The following LRRC4C variants were observed in gnomAD, a reference collection of about 807,000 sequenced individuals.
LRRC4C encodes the protein leucine rich repeat containing 4C, also known as leucine-rich repeat-containing protein 4C.
In LRRC4C, 5 loss-of-function variants were observed where a neutral mutation model predicts 33.6. That is an observed-to-expected ratio of 0.15 (90% CI 0.08 to 0.31). The LOEUF (loss-of-function observed/expected upper bound fraction) is 0.31, where lower values mean the gene tolerates loss of function less well. LRRC4C is among the 10% of genes least tolerant of loss of function. LRRC4C has a pLI of 1.00. For synonymous variants in LRRC4C, 329 were observed against 302.0 expected, an observed-to-expected ratio of 1.09 and a Z score of -0.93; for missense variants, 560 against 796.7, an observed-to-expected ratio of 0.70 and a Z score of 3.58.
At chr11:40,815,469 A>C (rs1177671042) in intron 2 of LRRC4C, among the ~76,000 whole-genome samples, 2 of 152,022 alleles carry the variant, frequency 1.3e-5, no homozygotes, top group African/African-American at 4.8e-5. Context: ...TTTGATAGAT[A>C]CTCCATTCCA....
chr11:40,799,153 T>TG (rs1158186670), intron 2 of LRRC4C, among the ~76,000 whole-genome samples: 14 of 152,314 alleles, frequency 9.2e-5, no homozygotes, highest in African/African-American at 3.4e-4. Flanking sequence ...ACTTCATAGA[T>TG]GACTAGTTTT....
chr11:40,389,335 T>A (rs1339999255), intron 3 of LRRC4C, among the ~76,000 whole-genome samples: 1 of 152,118 alleles, frequency 6.6e-6, no homozygotes, highest in African/African-American at 2.4e-5. Context: ...CCCAACCCCA[T>A]TCATACATCG....
chr11:40,808,348 A>G (rs1004856347), intron 2 of LRRC4C, among the ~76,000 whole-genome samples: 2 of 151,982 alleles, frequency 1.3e-5, no homozygotes, highest in African/African-American at 4.8e-5. Flanking sequence ...CTCCACCCCT[A>G]CTTATTTATT....
chr11:40,858,521 C>A (rs1953913607), intron 2 of LRRC4C, among the ~76,000 whole-genome samples: 1 of 151,668 alleles, frequency 6.6e-6, no homozygotes, highest in Admixed American at 6.6e-5. Flanking sequence ...ATGGTGAAAT[C>A]CCATCTCTAC....
At chr11:40,251,401 A>C (rs2136181568) in intron 4 of LRRC4C, among the ~76,000 whole-genome samples, 1 of 152,246 alleles carries the variant, frequency 6.6e-6, no homozygotes, top group South Asian at 2.1e-4. Flanking sequence ...AGCACCTTCG[A>C]GTACACAGAA....
chr11:40,166,500 C>T (rs974075933), intron 5 of LRRC4C, among the ~76,000 whole-genome samples: 1 of 152,132 alleles, frequency 6.6e-6, no homozygotes, highest in African/African-American at 2.4e-5. Flanking sequence ...CAGTTTCCTA[C>T]TGTGTGTGCT....
chr11:40,507,968 C>T (rs1450021330), intron 3 of LRRC4C, among the ~76,000 whole-genome samples: 1 of 151,932 alleles, frequency 6.6e-6, no homozygotes, highest in Non-Finnish European at 1.5e-5. Flanking sequence ...CAAACACCTG[C>T]CTAGTCTCGA....
intron 2 of LRRC4C, among the ~76,000 whole-genome samples, chr11:40,727,058 T>C (rs1947319780): frequency 6.6e-6 from 1 of 152,086 alleles, no homozygotes; most frequent in Non-Finnish European, 1.5e-5. Flanking sequence ...GAAAAACATC[T>C]CTACAAGGAG....
chr11:40,600,323 A>G (rs1246830219), intron 3 of LRRC4C, among the ~76,000 whole-genome samples: 2 of 152,188 alleles, frequency 1.3e-5, no homozygotes, highest in African/African-American at 2.4e-5. Context: ...CCCTTTAACA[A>G]AAGAGTTAAC....
At chr11:40,920,845 T>C (rs892707488) in intron 2 of LRRC4C, among the ~76,000 whole-genome samples, 1 of 152,158 alleles carries the variant, frequency 6.6e-6, no homozygotes, top group Non-Finnish European at 1.5e-5. Context: ...ACATGGCATT[T>C]TGCAGATTTG....
rs1322650073 is a variant in LRRC4C at position 41,304,227 on chromosome 11, G to C, written c.-496+155204C>G. On this transcript the variant is annotated intron_variant, in intron 1 of 6. Coordinates refer to ENST00000528697, the MANE Select transcript of LRRC4C (RefSeq NM_001258419.2). ...CCCCGTCCGGGAGGGAGGTGGGGGG[G>C]TCAGCCCTCCGCCCAGCCAGCTGCC... is the stretch of plus-strand genomic sequence containing the variant. Among the ~76,000 whole-genome samples, 426 of 121,652 alleles carry C rather than the reference G, an allele frequency of 3.5e-3. 2 individuals are homozygous for C. Among genetic ancestry groups the C allele is most frequent in the African/African-American group, 0.011 (365 of 33,302 alleles). 79.8% of individuals were successfully genotyped at this position (121,652 alleles called of 152,430 possible).
intron 3 of LRRC4C, among the ~76,000 whole-genome samples, chr11:40,399,547 G>T (rs375204837): frequency 6.1e-4 from 92 of 151,988 alleles, no homozygotes; most frequent in African/African-American, 1.5e-3. Context: ...GTGGGAGGAG[G>T]GGGGAGGGAT....
At chr11:40,918,988 A>G (rs549982427) in intron 2 of LRRC4C, among the ~76,000 whole-genome samples, 54 of 152,284 alleles carry the variant, frequency 3.5e-4, no homozygotes, top group African/African-American at 1.3e-3. Flanking sequence ...CTGTGTGTCC[A>G]CTACAAACCA....
intron 2 of LRRC4C, among the ~76,000 whole-genome samples, chr11:40,921,763 A>T (rs2136366472): frequency 6.6e-6 from 1 of 152,308 alleles, no homozygotes; most frequent in African/African-American, 2.4e-5. Flanking sequence ...TGGCAACATT[A>T]CCAATCTGGT....
intron 2 of LRRC4C, among the ~76,000 whole-genome samples, chr11:40,729,008 C>G (rs1271364145): frequency 6.6e-6 from 1 of 151,850 alleles, no homozygotes; most frequent in Non-Finnish European, 1.5e-5. Flanking sequence ...GGGGTAAGTA[C>G]TGAAAAATTT....
intron 3 of LRRC4C, among the ~76,000 whole-genome samples, chr11:40,564,510 G>A (rs1957677715): frequency 1.3e-5 from 2 of 152,292 alleles, no homozygotes; most frequent in East Asian, 3.9e-4. Flanking sequence ...ACTGATGGTG[G>A]AAGAGGTGGA....
chr11:41,203,791 G>A (rs1262168657), intron 1 of LRRC4C, among the ~76,000 whole-genome samples: 3 of 152,162 alleles, frequency 2.0e-5, no homozygotes, highest in Non-Finnish European at 2.9e-5. Flanking sequence ...AGCAATCAAA[G>A]TTTAATATCA....
chr11:41,319,301 A>T (rs1295705898), intron 1 of LRRC4C, among the ~76,000 whole-genome samples: 2 of 146,616 alleles, frequency 1.4e-5, no homozygotes, highest in Admixed American at 7.1e-5. Flanking sequence ...TTAAAAATCT[A>T]TATTTAAATC....
chr11:40,628,783 A>G (rs1175768086), intron 3 of LRRC4C, among the ~76,000 whole-genome samples: 1 of 152,238 alleles, frequency 6.6e-6, no homozygotes, highest in African/African-American at 2.4e-5. Context: ...TAAGGAAAAT[A>G]AATCTAGCTC....
Sources: gnomAD v4.1 joint callset for allele counts (sites outside exome capture counted in the v4.1 genomes callset) on GRCh38, gnomAD v4.1.1 for gene constraint, MANE v1.5 for transcripts, NCBI Gene and HGNC (gene_info 2026-07-23, HGNC 2026-07-21) for gene names.